Variants in SNX13 observed in about 807,000 individuals in gnomAD.
SNX13 encodes the protein sorting nexin-13.
A neutral mutation model predicts 133.6 loss-of-function variants in SNX13; 45 were observed. That is an observed-to-expected ratio of 0.34 (90% CI 0.27 to 0.43). The LOEUF (loss-of-function observed/expected upper bound fraction) is 0.43, where lower values mean the gene tolerates loss of function less well. Ranked by LOEUF, SNX13 falls within the 20% of genes least tolerant of loss-of-function variation. The pLI, the probability that SNX13 is intolerant of heterozygous loss-of-function variation, is 1.00. For missense variants in SNX13, 1,032 were observed against 1,145.1 expected (o/e 0.90, Z 1.43); for synonymous variants, 414 against 373.9 (o/e 1.11, Z -1.24).
In SNX13 at chr7:17,845,691, T is replaced by C. The variant is rs556480291; in HGVS notation, c.1069A>G (p.Ile357Val). 7 of 1,585,820 alleles carry C rather than the reference T, an allele frequency of 4.4e-6. No individual in the cohort carries two copies. The highest frequency in any genetic ancestry group is 2.3e-5 in the East Asian group (1 of 44,086). ...TTTGCTGCAAGTTTCACAGTATTTA[T>C]TTCCTACAGGCAAAAGTGAATATAA... ...RIQRLQSGKE[I>V]NTVKLAANFG... The change falls in exon 12 of 26, where the codon ATA (isoleucine) becomes GTA (valine). Residue 357 changes from isoleucine (I) to valine (V), a missense_variant. Coordinates refer to ENST00000428135, the MANE Select transcript of SNX13 (RefSeq NM_015132.5).
At chr7:17,846,667 A>T (rs74382555) in intron 11 of SNX13, among the ~76,000 whole-genome samples, 16 of 138,104 alleles carry the variant, frequency 1.2e-4, no homozygotes, top group African/African-American at 2.8e-4. Flanking sequence ...GTAGAGAATT[A>T]AAAAAAAAAA....
Position 17,875,601 on chromosome 7 carries a change from G to GAT in SNX13, c.563-22_563-21dup. The GAT allele has an allele frequency of 6.2e-7, 1 of 1,609,090 alleles. No homozygotes were observed. The highest frequency in any genetic ancestry group is 8.5e-7 in the Non-Finnish European group (1 of 1,178,528). ...CTGTACCTAAAGAAAAACAATTCAA[G>GAT]ATATATAAAATGATGAAAGGAAAAC... On this transcript the variant is annotated intron_variant, in intron 6 of 25. Coordinates refer to ENST00000428135, the MANE Select transcript of SNX13 (RefSeq NM_015132.5).
chr7:17,886,589 CA>C (rs768407457), intron 5 of SNX13, among the ~76,000 whole-genome samples: 73 of 138,572 alleles, frequency 5.3e-4, no homozygotes, highest in African/African-American at 1.2e-3. Context: ...GACTCCGTCT[CA>C]AAAAAAAAAA....
Position 17,875,576 on chromosome 7 carries a change from C to T in SNX13, c.568G>A (p.Ala190Thr), listed in dbSNP as rs1383215607. The change falls in exon 7 of 26, where the codon GCA becomes ACA. Residue 190 changes from alanine to threonine, a missense_variant. Transcript: ENST00000428135. ...AAGAAGGTATCTACAAGATCTTCTG[C>T]TGTACCTAAAGAAAAACAATTCAAG... is the stretch of plus-strand genomic sequence containing the variant. Reference protein sequence around the residue: ...TEKDDQVKGTAEDLVDTFFEV... With the variant: ...TEKDDQVKGTTEDLVDTFFEV... 1.9e-6 allele frequency: 3 copies of T among 1,610,594 alleles called. No individual in the cohort carries two copies. The highest frequency in any genetic ancestry group is 1.7e-6 in the Non-Finnish European group (2 of 1,179,154).
chr7:17,825,478 T>A (rs1456222886), intron 17 of SNX13, among the ~76,000 whole-genome samples: 1 of 152,192 alleles, frequency 6.6e-6, no homozygotes, highest in Admixed American at 6.5e-5. Flanking sequence ...TAGTGTTATC[T>A]AATAACTCAA....
At chr7:17,894,227 G>A (rs1029633284) in intron 2 of SNX13, among the ~76,000 whole-genome samples, 19 of 151,330 alleles carry the variant, frequency 1.3e-4, no homozygotes, top group African/African-American at 4.4e-4. Flanking sequence ...TGCTTGAACC[G>A]GGGAGGCAGA....
chr7:17,871,014 CT>C (rs1310883052), intron 8 of SNX13, among the ~76,000 whole-genome samples: 2 of 140,190 alleles, frequency 1.4e-5, no homozygotes, highest in Non-Finnish European at 1.6e-5. Context: ...TTTTTTTTTT[CT>C]TTTTTTTTGA....
rs539236169 is a variant in SNX13, at chr7:17,919,707, C to A, written c.12+20577G>T. Among the ~76,000 whole-genome samples the A allele has an allele frequency of 1.2e-4, 19 of 152,238 alleles. No individual in the cohort carries two copies. In the South Asian group the frequency reaches 3.7e-3, roughly 30 times the overall value. On this transcript the variant is annotated intron_variant, in intron 1 of 25. Transcript: ENST00000428135. ...ATCAGATAAGTCAATGAAAGCAACT[C>A]AGGAGGAGGAAAGCGAAACAAGCAT...
chr7:17,939,198 A>G (rs1395000545), intron 1 of SNX13, among the ~76,000 whole-genome samples: 2 of 152,208 alleles, frequency 1.3e-5, no homozygotes, highest in African/African-American at 4.8e-5. Context: ...AATAAAAGCC[A>G]CTCACCTACA....
At position 17,884,539 on chromosome 7, in the gene SNX13, G is replaced by T. The variant is rs145856707; in HGVS notation, c.440+5824C>A. Among the ~76,000 whole-genome samples, 4 of 152,166 alleles carry T rather than the reference G, an allele frequency of 2.6e-5. No individual in the cohort carries two copies. In the East Asian group the frequency reaches 7.7e-4, roughly 29 times the overall value. On this transcript the variant is annotated intron_variant, in intron 5 of 25. Transcript: ENST00000428135. ...TCTGGAAACAAATTCTTACTACCAT[G>T]GTTTGTACACGATGGAACAGTAAAT...
rs1583673205 is a variant in SNX13, at chr7:17,897,323, A to G, written c.125+11T>C. On this transcript the variant is annotated intron_variant, in intron 2 of 25. Coordinates refer to ENST00000428135, the MANE Select transcript of SNX13 (RefSeq NM_015132.5). ...CACATGAATTATAAAATTATAATTG[A>G]GTATACTTACCCACCCACAAAGCAG... The G allele has an allele frequency of 7.1e-7, 1 of 1,404,080 alleles. No homozygotes were observed. Among genetic ancestry groups the G allele is most frequent in the African/African-American group, 1.4e-5 (1 of 69,178 alleles). The allele number at this position is 1,404,080 out of a possible 1,614,324, so 87.0% of individuals were successfully genotyped here. A position where few individuals can be genotyped will look rare whatever the true frequency, so the allele number is the denominator to read the frequency against.
At chr7:17,933,957 T>C (rs1400248337) in intron 1 of SNX13, among the ~76,000 whole-genome samples, 1 of 152,162 alleles carries the variant, frequency 6.6e-6, no homozygotes, top group African/African-American at 2.4e-5. Context: ...ATTAAAAGCT[T>C]AGAAAGTTCA....
chr7:17,890,634 AC>A, intron 4 of SNX13, 150 bp from the exon 5 acceptor site: 1 of 449,204 alleles, frequency 2.2e-6, no homozygotes, highest in Non-Finnish European at 3.7e-6. Flanking sequence ...CATTACAAAA[AC>A]ATCAACATAC....
rs573962726 is a variant in SNX13, at chr7:17,840,090, G to T, written c.1166-90C>A. On this transcript the variant is annotated intron_variant, in intron 12 of 25. Coordinates refer to ENST00000428135, the MANE Select transcript of SNX13 (RefSeq NM_015132.5). ...TTATGACAAGTAAAGAAGGATTAAA[G>T]TTTCAAGTGTTTAAAACTCCACATT... The T allele has an allele frequency of 8.6e-6, 9 of 1,044,036 alleles. No individual in the cohort carries two copies. In the East Asian group the frequency reaches 2.6e-4, roughly 30 times the overall value. The allele number at this position is 1,044,036 out of a possible 1,614,324, so 64.7% of individuals were successfully genotyped here. A position where few individuals can be genotyped will look rare whatever the true frequency, so the allele number is the denominator to read the frequency against.
At chr7:17,882,773 C>G (rs1467720205) in intron 5 of SNX13, 1 of 1,181,410 alleles carries the variant, frequency 8.5e-7, no homozygotes, top group Admixed American at 3.9e-5. Context: ...AAAGGGTTCT[C>G]AAATCACTAC....
chr7:17,824,872 C>A (rs1408298002), intron 17 of SNX13, among the ~76,000 whole-genome samples: 1 of 151,656 alleles, frequency 6.6e-6, no homozygotes, highest in African/African-American at 2.4e-5. Context: ...CGGGTTCAAG[C>A]GATTCTCCTG....
Position 17,868,507 on chromosome 7 carries a change from T to A in SNX13, c.754-17A>T, listed in dbSNP as rs2389858. On this transcript the variant is annotated splice_polypyrimidine_tract_variant and intron_variant, in intron 8 of 25. Coordinates refer to ENST00000428135, the MANE Select transcript of SNX13 (RefSeq NM_015132.5). Reference sequence around the variant, plus strand: ...AAGGATTTCCTGAAAAAAAAGTAAATAACAAAAACAAATTTAATCTATTTC... The same window carrying A: ...AAGGATTTCCTGAAAAAAAAGTAAAAAACAAAAACAAATTTAATCTATTTC... 0.52 allele frequency: 817,634 copies of A among 1,569,256 alleles called. 216,351 individuals are homozygous for A. Among genetic ancestry groups the A allele is most frequent in the African/African-American group, 0.76 (55,866 of 73,252 alleles).
intron 15 of SNX13, chr7:17,830,968 C>G (rs1788421326): frequency 1.0e-6 from 1 of 984,196 alleles, no homozygotes; most frequent in Non-Finnish European, 1.2e-6. Flanking sequence ...TTCTTCAGCC[C>G]TCTGGTCATA....
At chr7:17,871,108 C>T (rs1255008268) in intron 8 of SNX13, among the ~76,000 whole-genome samples, 1 of 151,836 alleles carries the variant, frequency 6.6e-6, no homozygotes, top group Non-Finnish European at 1.5e-5. Context: ...CGGGTTCATG[C>T]CATTCTCCTG....
Sources: gnomAD v4.1 joint callset for allele counts (sites outside exome capture counted in the v4.1 genomes callset) on GRCh38, gnomAD v4.1.1 for gene constraint, MANE v1.5 for transcripts, NCBI Gene and HGNC (gene_info 2026-07-23, HGNC 2026-07-21) for gene names.